The following CSMD1 variants were observed in gnomAD, a reference collection of about 807,000 sequenced individuals.
The protein encoded by CSMD1 is CUB and sushi domain-containing protein 1.
CSMD1 carries 213 observed loss-of-function variants against 417.5 expected under a neutral mutation model. That is an observed-to-expected ratio of 0.51 (90% CI 0.46 to 0.57). CSMD1 has a LOEUF of 0.57. Among genes scored for constraint, CSMD1 ranks in the 20% least tolerant of loss-of-function variants. The pLI, the probability that CSMD1 is intolerant of heterozygous loss-of-function variation, is 0.00. For missense variants in CSMD1, 6,923 were observed against 4,529.7 expected, an observed-to-expected ratio of 1.53 and a Z score of -15.17; for synonymous variants, 2,862 against 1,736.8, an observed-to-expected ratio of 1.65 and a Z score of -16.11.
intron 7 of CSMD1, among the ~76,000 whole-genome samples, chr8:3,681,613 C>T (rs1326488166): frequency 3.3e-5 from 5 of 152,086 alleles, no homozygotes; most frequent in African/African-American, 7.2e-5. Context: ...GGCCATACTG[C>T]CCAAGGTAAT....
intron 2 of CSMD1, among the ~76,000 whole-genome samples, chr8:4,452,378 G>A (rs182300278): frequency 2.0e-4 from 30 of 152,292 alleles, no homozygotes; most frequent in African/African-American, 3.4e-4. Context: ...ATACAAAGGC[G>A]TAGCCTCGAG....
In CSMD1 at chr8:2,942,400, G is replaced by A. The variant is rs1801939546; in HGVS notation, c.10535+72C>T. ...AAAATACATGTGCATGTGAGCACGA[G>A]AGCATGCCCATTACTTTAAACCCAT... On this transcript the variant is annotated intron_variant, in intron 69 of 69. Transcript: ENST00000635120. 2.3e-6 allele frequency: 3 copies of A among 1,305,984 alleles called. No homozygotes were observed. The East Asian group carries it at 7.1e-5, about 31-fold the overall frequency. The allele number at this position is 1,305,984 out of a possible 1,614,324, so 80.9% of individuals were successfully genotyped here.
At chr8:2,984,133 C>T (rs566649583) in intron 54 of CSMD1, among the ~76,000 whole-genome samples, 1 of 152,186 alleles carries the variant, frequency 6.6e-6, no homozygotes, top group East Asian at 1.9e-4. Flanking sequence ...ACTAACTTTC[C>T]ATACATTTGG....
intron 2 of CSMD1, among the ~76,000 whole-genome samples, chr8:4,430,126 G>A (rs1222707797): frequency 6.6e-6 from 1 of 152,146 alleles, no homozygotes; most frequent in Admixed American, 6.6e-5. Context: ...AAAGCTAAAT[G>A]TGCTGATTCC....
At chr8:4,437,842 G>T (rs112895421) in intron 2 of CSMD1, among the ~76,000 whole-genome samples, 4 of 152,264 alleles carry the variant, frequency 2.6e-5, no homozygotes, top group African/African-American at 9.6e-5. Flanking sequence ...AACTGTGCAG[G>T]TCTGCCCCTA....
intron 5 of CSMD1, among the ~76,000 whole-genome samples, chr8:3,964,942 G>A (rs904410387): frequency 2.6e-5 from 4 of 152,046 alleles, no homozygotes. Flanking sequence ...CATTTTGGGG[G>A]TTTATCCTCG....
intron 5 of CSMD1, among the ~76,000 whole-genome samples, chr8:3,862,621 T>C (rs985648862): frequency 1.3e-5 from 2 of 152,252 alleles, no homozygotes; most frequent in Non-Finnish European, 2.9e-5. Context: ...ACTATATTTC[T>C]CTATTTGCTG....
intron 1 of CSMD1, among the ~76,000 whole-genome samples, chr8:4,952,289 A>G (rs1166610783): frequency 1.3e-5 from 2 of 152,022 alleles, no homozygotes; most frequent in African/African-American, 2.4e-5. Context: ...CGCAACAAAT[A>G]TTATAATCAA....
intron 1 of CSMD1, among the ~76,000 whole-genome samples, chr8:4,976,545 A>C (rs1459891646): frequency 6.6e-6 from 1 of 152,200 alleles, no homozygotes; most frequent in East Asian, 1.9e-4. Context: ...TACTTACAAA[A>C]TTATTGGGAC....
chr8:3,651,426 C>G (rs1300596213), intron 7 of CSMD1, among the ~76,000 whole-genome samples: 2 of 152,230 alleles, frequency 1.3e-5, no homozygotes, highest in African/African-American at 4.8e-5. Context: ...CTCGAACTTG[C>G]TGAGCACGTA....
chr8:4,765,709 C>T (rs1428475828), intron 1 of CSMD1, among the ~76,000 whole-genome samples: 1 of 152,088 alleles, frequency 6.6e-6, no homozygotes, highest in Non-Finnish European at 1.5e-5. Flanking sequence ...AGATTGTGCC[C>T]AATTGGGCAG....
intron 2 of CSMD1, among the ~76,000 whole-genome samples, chr8:4,451,455 C>T (rs1799140796): frequency 6.6e-6 from 1 of 152,184 alleles, no homozygotes. Context: ...TTATCACTCT[C>T]ATCAAGTCCC....
At chr8:3,553,255 A>C (rs1350018209) in intron 10 of CSMD1, among the ~76,000 whole-genome samples, 1 of 152,222 alleles carries the variant, frequency 6.6e-6, no homozygotes. Context: ...ATGTAGCCAT[A>C]GTTCGGAGCT....
At chr8:4,388,386 A>C (rs1242145524) in intron 3 of CSMD1, among the ~76,000 whole-genome samples, 1 of 151,906 alleles carries the variant, frequency 6.6e-6, no homozygotes, top group Non-Finnish European at 1.5e-5. Flanking sequence ...AAAATGCATG[A>C]ATTAATGGCA....
At chr8:3,972,416 T>G (rs1813150629) in intron 5 of CSMD1, among the ~76,000 whole-genome samples, 1 of 152,206 alleles carries the variant, frequency 6.6e-6, no homozygotes, top group South Asian at 2.1e-4. Flanking sequence ...GTCAAGTGAT[T>G]AACATTTAAT....
At chr8:4,753,436 CA>C (rs1253721387) in intron 1 of CSMD1, among the ~76,000 whole-genome samples, 2 of 142,570 alleles carry the variant, frequency 1.4e-5, no homozygotes, top group African/African-American at 5.1e-5. Flanking sequence ...CACACACACA[CA>C]CACACACACA....
intron 5 of CSMD1, among the ~76,000 whole-genome samples, chr8:3,879,960 G>C (rs1444610029): frequency 6.6e-6 from 1 of 152,054 alleles, no homozygotes; most frequent in Non-Finnish European, 1.5e-5. Flanking sequence ...TTATTTGATG[G>C]GTTAGAATTG....
chr8:4,953,071 AC>A (rs1025581865), intron 1 of CSMD1, among the ~76,000 whole-genome samples: 15 of 148,668 alleles, frequency 1.0e-4, no homozygotes, highest in African/African-American at 1.2e-4. Context: ...AGACAAAAAA[AC>A]ATTATAGTCC....
intron 5 of CSMD1, among the ~76,000 whole-genome samples, chr8:3,988,094 AT>A (rs1050599835): frequency 2.5e-4 from 38 of 152,278 alleles, no homozygotes; most frequent in African/African-American, 7.7e-4. Context: ...AAATATTGTG[AT>A]TTTTTTATAC....
Sources: allele counts gnomAD v4.1 joint callset (sites outside exome capture counted in the v4.1 genomes callset), GRCh38; gene constraint gnomAD v4.1.1; transcripts MANE v1.5; gene names NCBI Gene and HGNC (gene_info 2026-07-23, HGNC 2026-07-21).